Variants in ETFBKMT observed in about 807,000 individuals in gnomAD.
The protein encoded by ETFBKMT is electron transfer flavoprotein subunit beta lysine methyltransferase.
In ETFBKMT, 13 loss-of-function variants were observed where a neutral mutation model predicts 18.3. The observed-to-expected ratio is 0.71, with a 90% confidence interval of 0.46 to 1.13. The LOEUF (loss-of-function observed/expected upper bound fraction) is 1.13, where lower values mean the gene tolerates loss of function less well. ETFBKMT is among the 50% of genes most tolerant of loss of function. The pLI, the probability that ETFBKMT is intolerant of heterozygous loss-of-function variation, is 0.00. For synonymous variants in ETFBKMT, 84 were observed against 107.9 expected (o/e 0.78, Z 1.37); for missense variants, 293 against 306.2 (o/e 0.96, Z 0.32).
In ETFBKMT at chr12:31,671,978, G is replaced by A. The variant is rs1951281641; in HGVS notation, c.*3988G>A. ...AGCTCAAATACCTACATAGGAGAAG[G>A]AAATCTCAAGGGAAAACAGTTAATT... On this transcript the variant is annotated 3_prime_UTR_variant, in exon 4 of 4. Transcript: ENST00000357721. The A allele has an allele frequency of 5.0e-6, 1 of 198,986 alleles. No homozygotes were observed. 12.3% of individuals were successfully genotyped at this position (198,986 alleles called of 1,614,324 possible). A position where few individuals can be genotyped will look rare whatever the true frequency, so the allele number is the denominator to read the frequency against.
At chr12:31,657,154 G>A (rs796444526), upstream of ETFBKMT, among the ~76,000 whole-genome samples, 41 of 152,334 alleles carry the variant, frequency 2.7e-4, no homozygotes, top group African/African-American at 9.1e-4. Context: ...AAGTTGTGTA[G>A]GGAATAGAAT....
At position 31,668,820 on chromosome 12, in the gene ETFBKMT, CTTTTGA is replaced by C. The variant is rs1030058565; in HGVS notation, c.*835_*840del. The C allele has an allele frequency of 6.6e-6, 1 of 152,172 alleles. No individual in the cohort carries two copies. The highest frequency in any genetic ancestry group is 2.4e-5 in the African/African-American group (1 of 41,430). The allele number at this position is 152,172 out of a possible 1,614,324, so 9.4% of individuals were successfully genotyped here. A position where few individuals can be genotyped will look rare whatever the true frequency, so the allele number is the denominator to read the frequency against. On this transcript the variant is annotated 3_prime_UTR_variant, in exon 4 of 4. Coordinates refer to ENST00000357721, the MANE Select transcript of ETFBKMT (RefSeq NM_001135863.2). ...CGATGTTTTTTACTTCTATCACTTC[CTTTTGA>C]TTTTTTCTTATAGCTTCTATCTCTG...
At chr12:31,666,316 A>AT in intron 3 of ETFBKMT, 99 bp downstream of exon 3, 1 of 1,269,160 alleles carries the variant, frequency 7.9e-7, no homozygotes, top group Non-Finnish European at 1.1e-6. Flanking sequence ...CGTTATATGT[A>AT]TTTTGTGATT....
Position 31,667,986 on chromosome 12 carries a change from C to T in ETFBKMT, c.785C>T (p.Pro262Leu). ...LTTSTVWGFQ[P>L] ...ACAAGCACAGTGTGGGGTTTTCAGC[C>T]TTGAGTTGTCAAAGTGCTTCCAAGT... Residue 262 changes from proline to leucine, a missense_variant, in exon 4 of 4, where the codon CCT (proline) becomes CTT (leucine). Coordinates refer to ENST00000357721, the MANE Select transcript of ETFBKMT (RefSeq NM_001135863.2). The T allele has an allele frequency of 1.2e-6, 2 of 1,609,188 alleles. No individual in the cohort carries two copies. Among genetic ancestry groups the T allele is most frequent in the Non-Finnish European group, 1.7e-6 (2 of 1,176,680 alleles).
At chr12:31,648,794 C>T (rs930601463) in intron 1 of ETFBKMT, among the ~76,000 whole-genome samples, 2 of 151,904 alleles carry the variant, frequency 1.3e-5, no homozygotes, top group African/African-American at 4.8e-5. Context: ...ATCTCCTGAC[C>T]TTGTGATCTG....
At chr12:31,659,265 G>C (rs1403339467), upstream of ETFBKMT, 1 of 152,268 alleles carries the variant, frequency 6.6e-6, no homozygotes, top group South Asian at 2.1e-4. Context: ...TTTGGTAGCG[G>C]GACCCCGGAA....
At chr12:31,647,587 G>C (rs796892042) in intron 1 of ETFBKMT, among the ~76,000 whole-genome samples, 38 of 152,302 alleles carry the variant, frequency 2.5e-4, no homozygotes, top group African/African-American at 8.4e-4. Context: ...CCAGCACTTT[G>C]TGGGACTGAG....
Position 31,672,035 on chromosome 12 carries a change from C to A in ETFBKMT, c.*4045C>A. On this transcript the variant is annotated 3_prime_UTR_variant, in exon 4 of 4. Coordinates refer to ENST00000357721, the MANE Select transcript of ETFBKMT (RefSeq NM_001135863.2). ...TTATTTAAGAAACAGAATCCAACAC[C>A]ATAGATCAGAGTTCATGCTAGGATT... 2 of 317,976 alleles carry A rather than the reference C, an allele frequency of 6.3e-6. No homozygotes were observed. The highest frequency in any genetic ancestry group is 1.2e-5 in the Non-Finnish European group (2 of 173,004). 19.7% of individuals were successfully genotyped at this position (317,976 alleles called of 1,614,324 possible).
At chr12:31,664,423 G>A (rs890674260) in intron 2 of ETFBKMT, among the ~76,000 whole-genome samples, 3 of 151,952 alleles carry the variant, frequency 2.0e-5, no homozygotes, top group Admixed American at 6.6e-5. Flanking sequence ...GTCTTAATTC[G>A]TGGTGCTCGG....
Position 31,666,124 on chromosome 12 carries a change from T to G in ETFBKMT, c.352T>G (p.Ser118Ala), listed in dbSNP as rs1951192097. 1.9e-6 allele frequency: 3 copies of G among 1,613,550 alleles called. No homozygotes were observed. In the African/African-American group the frequency reaches 4.0e-5, roughly 22 times the overall value. Residue 118 changes from serine (S) to alanine (A), a missense_variant, in exon 3 of 4, where the codon TCT becomes GCT. Physicochemically the swap from Ser to Ala is moderately conservative, Grantham distance 99. Transcript: ENST00000357721. ...TAATCCTGATGTTGTCAGAGGAAAA[T>G]CTGTATTAGATCTTGGGAGTGGATG... is the stretch of plus-strand genomic sequence containing the variant. ...LDNPDVVRGK[S>A]VLDLGSGCGA... is the part of the protein sequence containing the mutation.
intron 1 of ETFBKMT, among the ~76,000 whole-genome samples, chr12:31,649,336 A>G (rs1046050627): frequency 6.6e-6 from 1 of 152,232 alleles, no homozygotes; most frequent in African/African-American, 2.4e-5. Flanking sequence ...TCATTCTACA[A>G]CATGAATGAA....
chr12:31,662,657 G>A (rs1158778189), intron 2 of ETFBKMT, among the ~76,000 whole-genome samples: 2 of 151,720 alleles, frequency 1.3e-5, no homozygotes, highest in African/African-American at 4.8e-5. Flanking sequence ...TTGTTGCCTT[G>A]TTGCGTAATT....
intron 2 of ETFBKMT, among the ~76,000 whole-genome samples, chr12:31,665,201 G>T (rs1951178663): frequency 6.6e-6 from 1 of 152,166 alleles, no homozygotes; most frequent in Non-Finnish European, 1.5e-5. Context: ...CTCCCAAAGT[G>T]CTGGGATTAC....
chr12:31,662,987 T>C (rs1414733804), intron 2 of ETFBKMT, among the ~76,000 whole-genome samples: 1 of 152,124 alleles, frequency 6.6e-6, no homozygotes, highest in Non-Finnish European at 1.5e-5. Context: ...TTGGGTGCAG[T>C]GCCTGTAATC....
chr12:31,648,262 A>G (rs1264850050), intron 1 of ETFBKMT, among the ~76,000 whole-genome samples: 1 of 152,220 alleles, frequency 6.6e-6, no homozygotes, highest in African/African-American at 2.4e-5. Flanking sequence ...AGGATATCAA[A>G]ATCCATGGAT....
chr12:31,661,818 A>C, intron 1 of ETFBKMT, 23 bp from the exon 2 acceptor site: 2 of 775,922 alleles, frequency 2.6e-6, no homozygotes, highest in African/African-American at 1.7e-5. Flanking sequence ...AATTCTCAGT[A>C]TTACTTTTCT....
At chr12:31,659,158 A>C (rs543751647), upstream of ETFBKMT, 15 of 152,340 alleles carry the variant, frequency 9.8e-5, no homozygotes, top group Middle Eastern at 3.4e-3. Flanking sequence ...GTGGAGGAGA[A>C]AGAAAGCGCT....
intron 1 of ETFBKMT, chr12:31,660,185 A>G (rs1951104690): frequency 6.6e-6 from 1 of 150,894 alleles, no homozygotes; most frequent in African/African-American, 2.4e-5. Context: ...AAAAAAAAAA[A>G]AAAGGTGGAA....
chr12:31,655,417 C>T (rs907600657), upstream of ETFBKMT, among the ~76,000 whole-genome samples: 2 of 152,154 alleles, frequency 1.3e-5, no homozygotes, highest in Non-Finnish European at 2.9e-5. Flanking sequence ...TAAATCCTCC[C>T]ATAAACAAGG....
Sources: gnomAD v4.1 joint callset for allele counts (sites outside exome capture counted in the v4.1 genomes callset) on GRCh38, gnomAD v4.1.1 for gene constraint, MANE v1.5 for transcripts, NCBI Gene and HGNC (gene_info 2026-07-23, HGNC 2026-07-21) for gene names.